HDX: variants seen among roughly 807,000 people sequenced by gnomAD.
HDX encodes chromosome X open reading frame 43.
Under a neutral mutation model 45.2 loss-of-function variants are expected in HDX, and 19 were observed. The observed-to-expected ratio is 0.42, with a 90% CI of 0.29 to 0.62. The LOEUF is 0.62. Ranked by LOEUF, HDX falls within the 20% of genes least tolerant of loss-of-function variation. The pLI is 0.20. For missense variants in HDX, 532 were observed against 493.9 expected, an observed-to-expected ratio of 1.08 and a Z score of -0.73; for synonymous variants, 188 against 172.8, an observed-to-expected ratio of 1.09 and a Z score of -0.69.
intron 5 of HDX, among the ~76,000 whole-genome samples, chrX:84,400,965 T>C (rs1360357449): frequency 8.9e-6 from 1 of 111,998 alleles, no homozygotes; most frequent in Non-Finnish European, 1.9e-5. Flanking sequence ...GGATTCCCTG[T>C]TTAATAAATG....
chrX:84,404,648 T>C (rs1435393261), intron 5 of HDX, among the ~76,000 whole-genome samples: 2 of 111,299 alleles, frequency 1.8e-5, no homozygotes, highest in Non-Finnish European at 3.8e-5. Context: ...ATAGAGTTAA[T>C]TGATTTCTAC....
intron 5 of HDX, among the ~76,000 whole-genome samples, chrX:84,408,750 T>G (rs752809701): frequency 1.2e-4 from 13 of 110,037 alleles, no homozygotes; most frequent in African/African-American, 4.0e-4. Context: ...TAGCAGTGTT[T>G]TGTACTTCTC....
intron 7 of HDX, among the ~76,000 whole-genome samples, chrX:84,338,098 C>T (rs977471998): frequency 9.0e-6 from 1 of 110,842 alleles, no homozygotes. Flanking sequence ...ATTTATCAGC[C>T]CTCACGAATT....
chrX:84,438,150 G>A (rs1312485703), intron 5 of HDX, among the ~76,000 whole-genome samples: 2 of 110,768 alleles, frequency 1.8e-5, no homozygotes, highest in Admixed American at 1.9e-4. Context: ...GTTAAGTGGG[G>A]GACCAAGACA....
At chrX:84,337,489 T>C (rs996497116) in intron 7 of HDX, among the ~76,000 whole-genome samples, 3 of 111,475 alleles carry the variant, frequency 2.7e-5, no homozygotes, top group African/African-American at 9.8e-5. Flanking sequence ...TTTTCTACAA[T>C]GAACATTTGT....
At chrX:84,489,752 ATCTTTTTAATTAACCAGCT>A (rs1735968767) in intron 1 of HDX, among the ~76,000 whole-genome samples, 1 of 112,037 alleles carries the variant, frequency 8.9e-6, no homozygotes, top group South Asian at 3.7e-4. Context: ...GCAAATTTTC[ATCTTTTTAATTAACCAGCT>A]TCTAGAACAA....
intron 3 of HDX, 42 bp from the exon 4 acceptor site, chrX:84,469,617 A>G (rs2040419857): frequency 1.8e-6 from 2 of 1,086,996 alleles, no homozygotes; most frequent in East Asian, 3.1e-5. Flanking sequence ...AAAATTAAAA[A>G]CAAACGAAGA....
At chrX:84,483,235 C>A (rs749832616) in intron 2 of HDX, among the ~76,000 whole-genome samples, 13 of 111,649 alleles carry the variant, frequency 1.2e-4, no homozygotes, top group Non-Finnish European at 2.1e-4. Flanking sequence ...CACAGCTCCA[C>A]TATCTGTGTT....
chrX:84,427,018 C>T (rs1359592659), intron 5 of HDX, among the ~76,000 whole-genome samples: 1 of 110,835 alleles, frequency 9.0e-6, no homozygotes, highest in Non-Finnish European at 1.9e-5. Flanking sequence ...CTATAATTAA[C>T]AAAACTGTAT....
At chrX:84,394,216 G>T (rs1193036006) in intron 5 of HDX, among the ~76,000 whole-genome samples, 2 of 111,242 alleles carry the variant, frequency 1.8e-5, no homozygotes, top group African/African-American at 6.5e-5. Flanking sequence ...TTTGGCTCAA[G>T]AAATTTTTGA....
rs144816724 is a variant in HDX, at chrX:84,476,706, G to A, written c.1-1309C>T. Among the ~76,000 whole-genome samples, 1,001 of 111,216 alleles carry A rather than the reference G, an allele frequency of 9.0e-3. 14 individuals are homozygous for A. Among genetic ancestry groups the A allele is most frequent in the African/African-American group, 0.031 (959 of 30,559 alleles). ...GGAAATAACCAAGTACATTGACACG[G>A]AAATAACTTATCTTTCTCTGAATAC... On this transcript the variant is annotated intron_variant, in intron 2 of 10. Transcript: ENST00000373177.
At chrX:84,482,066 T>C (rs1049497823) in intron 2 of HDX, among the ~76,000 whole-genome samples, 5 of 112,200 alleles carry the variant, frequency 4.5e-5, no homozygotes, top group African/African-American at 1.6e-4. Context: ...TTTATGGCTA[T>C]GGAGTATTTC....
In HDX at chrX:84,468,919, C is replaced by T; in HGVS notation, c.804G>A (p.Leu268=). ...TTCTCTGGGGGTAATCGCTAACTGC[C>T]AATGAAAACACTTCACGGATTTCCA... is the stretch of plus-strand genomic sequence containing the variant. ...QNLEIREVFS[L]AVSDYPQRIL... Residue 268 remains leucine, a synonymous_variant, in exon 4 of 11, where the codon TTG becomes TTA. Coordinates refer to ENST00000373177, the MANE Select transcript of HDX (RefSeq NM_001177479.2). 1 of 1,211,283 alleles carries T rather than the reference C, an allele frequency of 8.3e-7. No homozygotes were observed. The highest frequency in any genetic ancestry group is 1.1e-6 in the Non-Finnish European group (1 of 895,205).
At chrX:84,399,607 A>T (rs764843514) in intron 5 of HDX, among the ~76,000 whole-genome samples, 2 of 111,677 alleles carry the variant, frequency 1.8e-5, no homozygotes, top group East Asian at 5.7e-4. Context: ...AAGAGCAGAC[A>T]TATTCATAGC....
chrX:84,464,700 A>G (rs1316429666), intron 4 of HDX, among the ~76,000 whole-genome samples: 1 of 112,023 alleles, frequency 8.9e-6, no homozygotes, highest in African/African-American at 3.2e-5. Context: ...ACTAAAACGT[A>G]AGACCTAAAA....
intron 4 of HDX, among the ~76,000 whole-genome samples, chrX:84,467,554 G>A (rs2040375473): frequency 9.3e-6 from 1 of 108,086 alleles, no homozygotes; most frequent in African/African-American, 3.4e-5. Flanking sequence ...TTGAACCAGG[G>A]AGCGGAGGTT....
At chrX:84,417,894 G>A (rs2039152755) in intron 5 of HDX, among the ~76,000 whole-genome samples, 1 of 111,996 alleles carries the variant, frequency 8.9e-6, no homozygotes, top group Non-Finnish European at 1.9e-5. Context: ...AACGAGAGAG[G>A]AGGGGAGCAT....
At chrX:84,429,481 G>A (rs1399895710) in intron 5 of HDX, among the ~76,000 whole-genome samples, 1 of 109,899 alleles carries the variant, frequency 9.1e-6, no homozygotes, top group Non-Finnish European at 1.9e-5. Context: ...TTATTTTTTG[G>A]TAGTTTATAA....
chrX:84,393,135 G>C (rs749083405), intron 5 of HDX, among the ~76,000 whole-genome samples: 2 of 111,715 alleles, frequency 1.8e-5, no homozygotes, highest in East Asian at 5.6e-4. Context: ...TCCCCATTCA[G>C]TATGATGTTA....
Sources: gnomAD v4.1 joint callset for allele counts (sites outside exome capture counted in the v4.1 genomes callset) on GRCh38, gnomAD v4.1.1 for gene constraint, MANE v1.5 for transcripts, NCBI Gene and HGNC (gene_info 2026-07-23, HGNC 2026-07-21) for gene names.